The following CAMK2B variants were observed in gnomAD, a reference collection of about 807,000 sequenced individuals.
CAMK2B encodes calcium/calmodulin-dependent protein kinase type II subunit beta.
A neutral mutation model predicts 93.7 loss-of-function variants in CAMK2B; 27 were observed. The ratio of observed to expected loss-of-function variants is 0.29; its 90% confidence interval spans 0.21 to 0.40. The LOEUF is 0.40. Ranked by LOEUF, CAMK2B falls within the 10% of genes least tolerant of loss-of-function variation. CAMK2B has a pLI of 1.00. For missense variants in CAMK2B, 568 were observed against 895.8 expected, an observed-to-expected ratio of 0.63 and a Z score of 4.67; for synonymous variants, 374 against 358.8, an observed-to-expected ratio of 1.04 and a Z score of -0.48.
intron 17 of CAMK2B, 70 bp downstream of exon 17, chr7:44,230,936 C>A: frequency 7.2e-7 from 1 of 1,388,854 alleles, no homozygotes; most frequent in South Asian, 1.3e-5. Flanking sequence ...CTGCCCAAGT[C>A]CCACCCACCT....
chr7:44,283,466 C>T (rs1175304433), intron 2 of CAMK2B, among the ~76,000 whole-genome samples: 2 of 152,210 alleles, frequency 1.3e-5, no homozygotes, highest in South Asian at 2.1e-4. Context: ...ATGCTGAGGG[C>T]CACTTGGGGC....
At chr7:44,221,009 G>C (rs892313773) in intron 20 of CAMK2B, 108 bp from the exon 21 acceptor site, 12 of 867,132 alleles carry the variant, frequency 1.4e-5, no homozygotes, top group African/African-American at 1.2e-4. Context: ...CATCCATGCC[G>C]TGTTCCTGCC....
At chr7:44,226,283 G>GGACGCTCTTCCT (rs1481942978) in intron 20 of CAMK2B, among the ~76,000 whole-genome samples, 20 of 148,958 alleles carry the variant, frequency 1.3e-4, no homozygotes, top group African/African-American at 4.7e-4. Context: ...CTGCTCTTTC[G>GGACGCTCTTCCT]GACGCTCTTC....
rs1320019447 is a variant in CAMK2B, at chr7:44,225,915, C to T, written c.1597+601G>A. ...CCCTGTAAGTGATACTGCGGGTAGT[C>T]GGCAGACAGACCGGGAGGTGGCCCA... is the stretch of plus-strand genomic sequence containing the variant. On this transcript the variant is annotated intron_variant, in intron 20 of 23. Transcript: ENST00000395749. The surrounding 1 kb of genome is among the most constrained non-coding windows in gnomAD (Gnocchi z 5.0). 2.2e-5 allele frequency: 28 copies of T among 1,283,076 alleles called. No individual in the cohort carries two copies. In the East Asian group the frequency reaches 3.9e-4, roughly 18 times the overall value. The allele number at this position is 1,283,076 out of a possible 1,614,324, so 79.5% of individuals were successfully genotyped here.
chr7:44,228,500 G>A (rs1233315849), intron 19 of CAMK2B, among the ~76,000 whole-genome samples: 1 of 152,112 alleles, frequency 6.6e-6, no homozygotes, highest in Non-Finnish European at 1.5e-5. Context: ...GAGGGGCCAG[G>A]GCTGCCCAGG....
chr7:44,299,302 CAT>C (rs1283125527), intron 1 of CAMK2B, among the ~76,000 whole-genome samples: 1 of 152,220 alleles, frequency 6.6e-6, no homozygotes, highest in Non-Finnish European at 1.5e-5. Flanking sequence ...ACAAATACCA[CAT>C]GATTCCCCTT....
intron 20 of CAMK2B, among the ~76,000 whole-genome samples, chr7:44,222,448 T>C (rs528449392): frequency 2.6e-5 from 4 of 152,162 alleles, no homozygotes; most frequent in Admixed American, 1.3e-4. Context: ...AATTCTTTTT[T>C]TTTTTTAGAT....
rs574423471 is a variant in CAMK2B, at chr7:44,229,458, C to T, written c.1269G>A (p.Ser423=). The change falls in exon 18 of 24, where the codon TCG becomes TCA. Residue 423 remains serine, a synonymous_variant. Coordinates refer to ENST00000395749, the MANE Select transcript of CAMK2B (RefSeq NM_001220.5). ...PDILSSVRRG[S]GAPEAEGPLP... ...GGGGCCCCTCGGCTTCTGGGGCTCCCGAGCCCCTCCTCACTGAGCTCAGGA... is the reference window on the plus strand; with the variant it reads ...GGGGCCCCTCGGCTTCTGGGGCTCCTGAGCCCCTCCTCACTGAGCTCAGGA... 2.6e-5 allele frequency: 38 copies of T among 1,477,802 alleles called. No individual in the cohort carries two copies. Among genetic ancestry groups the T allele is most frequent in the Middle Eastern group, 1.8e-4 (1 of 5,622 alleles). The allele number at this position is 1,477,802 out of a possible 1,614,324, so 91.5% of individuals were successfully genotyped here.
At chr7:44,226,448 C>A in intron 20 of CAMK2B, 68 bp downstream of exon 20, 1 of 1,275,582 alleles carries the variant, frequency 7.8e-7, no homozygotes, top group Non-Finnish European at 1.0e-6. Context: ...CAGAGCACCA[C>A]TGCCAGGCTC....
At chr7:44,316,228 T>C (rs891329205) in intron 1 of CAMK2B, among the ~76,000 whole-genome samples, 7 of 152,222 alleles carry the variant, frequency 4.6e-5, no homozygotes, top group African/African-American at 1.2e-4. Context: ...GTTTTTATCA[T>C]GAAATGGTAT....
intron 2 of CAMK2B, chr7:44,268,186 C>T (rs992203738): frequency 6.6e-5 from 10 of 152,394 alleles, no homozygotes; most frequent in South Asian, 2.1e-4. Flanking sequence ...CCCTGGACTG[C>T]GCAGGGCAGG....
chr7:44,251,668 T>C (rs903765263), intron 5 of CAMK2B, among the ~76,000 whole-genome samples: 2 of 152,302 alleles, frequency 1.3e-5, no homozygotes, highest in South Asian at 4.1e-4. Flanking sequence ...ATGCCCTCCA[T>C]TTGAGCTCCA....
chr7:44,246,256 C>T (rs2096728476), intron 6 of CAMK2B, among the ~76,000 whole-genome samples: 1 of 151,724 alleles, frequency 6.6e-6, no homozygotes, highest in African/African-American at 2.4e-5. Flanking sequence ...ACAGTTAGAC[C>T]CTGAGTGGAC....
intron 1 of CAMK2B, among the ~76,000 whole-genome samples, chr7:44,290,136 G>A (rs904780942): frequency 1.3e-5 from 2 of 152,210 alleles, no homozygotes; most frequent in African/African-American, 4.8e-5. Flanking sequence ...GACAGCCAAG[G>A]GCCATGGGAC....
chr7:44,258,836 G>A (rs778726395), intron 4 of CAMK2B, 36 bp downstream of exon 4: 2 of 1,601,898 alleles, frequency 1.2e-6, no homozygotes, highest in Non-Finnish European at 1.7e-6. Flanking sequence ...AAGGCTGGGA[G>A]TGAGTGCAGC....
chr7:44,240,888 G>A, intron 11 of CAMK2B, 139 bp from the exon 12 acceptor site: 1 of 849,036 alleles, frequency 1.2e-6, no homozygotes, highest in Non-Finnish European at 1.9e-6. Context: ...GCCTTCCAGA[G>A]AGGCAAGAGC....
At chr7:44,309,276 G>A (rs906383619) in intron 1 of CAMK2B, among the ~76,000 whole-genome samples, 1 of 152,220 alleles carries the variant, frequency 6.6e-6, no homozygotes, top group Non-Finnish European at 1.5e-5. Flanking sequence ...TGGGGCAGGG[G>A]TCAGCCCACC....
rs375370282 is a variant in CAMK2B, at chr7:44,225,416, G to A, written c.1597+1100C>T. 9.7e-4 allele frequency among the ~76,000 whole-genome samples: 147 copies of A among 152,166 alleles called. No homozygotes were observed. Among genetic ancestry groups the A allele is most frequent in the African/African-American group, 3.3e-3 (138 of 41,512 alleles). On this transcript the variant is annotated intron_variant, in intron 20 of 23. Transcript: ENST00000395749. This position sits in a 1 kb window ranked among gnomAD's most constrained non-coding sequence, Gnocchi z 5.0. ...CCCCTCCCCATGCCTCCCTCCTTGA[G>A]TTCTGGTCGCCCAGGCACCCCGACC...
Position 44,234,454 on chromosome 7 carries a change from G to A in CAMK2B, c.1067C>T (p.Thr356Met), listed in dbSNP as rs774876084. 20 of 1,567,344 alleles carry A rather than the reference G, an allele frequency of 1.3e-5. No individual in the cohort carries two copies. The highest frequency in any genetic ancestry group is 6.8e-5 in the East Asian group (3 of 44,020). The change falls in exon 15 of 24, where the codon ACG becomes ATG. Residue 356 changes from threonine (T) to methionine (M), a missense_variant. Thr to Met is a moderately conservative substitution (Grantham distance 81, BLOSUM62 -1). This residue lies in a region of CAMK2B where 308 missense variants were observed against 292.1 expected (regional missense o/e 1.05). Transcript: ENST00000395749. ...GGCTGCACTGTTTTTGGTGCTATTC[G>A]TCTGGGGCTGTGGAGAGAGGGAAGA... ...NKKADGVKPQTNSTKNSAAAT... is the reference protein window; with the variant it reads ...NKKADGVKPQMNSTKNSAAAT...
Sources: gnomAD v4.1 joint callset for allele counts (sites outside exome capture counted in the v4.1 genomes callset) on GRCh38, gnomAD v4.1.1 for gene constraint, gnomAD v4.1.1 regional missense constraint, Gnocchi (gnomAD v3.1) non-coding constraint, MANE v1.5 for transcripts, NCBI Gene and HGNC (gene_info 2026-07-23, HGNC 2026-07-21) for gene names.